The following WDPCP variants were observed in gnomAD, a reference collection of about 807,000 sequenced individuals.
WDPCP encodes the protein WD repeat containing planar cell polarity effector.
In WDPCP, 71 loss-of-function variants were observed where a neutral mutation model predicts 93.1. The observed-to-expected ratio is 0.76, with a 90% CI of 0.63 to 0.93. The LOEUF is 0.93. WDPCP is among the 40% of genes least tolerant of loss of function. The probability of loss-of-function intolerance (pLI) is 0.00; values close to 1 mark genes in which losing one functional copy is unlikely to be tolerated. For synonymous variants in WDPCP, 315 were observed against 315.0 expected, an observed-to-expected ratio of 1.00 and a Z score of 0.00; for missense variants, 844 against 887.4, an observed-to-expected ratio of 0.95 and a Z score of 0.62.
At chr2:63,386,396 C>T (rs1228670848) in intron 10 of WDPCP, among the ~76,000 whole-genome samples, 1 of 151,880 alleles carries the variant, frequency 6.6e-6, no homozygotes, top group African/African-American at 2.4e-5. Context: ...TAAATTTGGG[C>T]AAAAGATTTG....
At chr2:63,500,161 G>A (rs1270394553) in intron 1 of WDPCP, among the ~76,000 whole-genome samples, 1 of 152,198 alleles carries the variant, frequency 6.6e-6, no homozygotes, top group East Asian at 1.9e-4. Context: ...TCTAGAAGAA[G>A]AGCAAGTTTT....
At chr2:63,392,400 G>T (rs1282115611) in intron 10 of WDPCP, among the ~76,000 whole-genome samples, 1 of 152,220 alleles carries the variant, frequency 6.6e-6, no homozygotes, top group East Asian at 1.9e-4. Context: ...ATGGATCAAA[G>T]ATTTAAATGT....
At chr2:63,456,601 G>T (rs1179140300) in intron 6 of WDPCP, among the ~76,000 whole-genome samples, 2 of 151,848 alleles carry the variant, frequency 1.3e-5, no homozygotes, top group African/African-American at 4.8e-5. Context: ...TAGACCTCAA[G>T]GAACAAGAAA....
intron 10 of WDPCP, among the ~76,000 whole-genome samples, chr2:63,387,095 C>G (rs1192603581): frequency 6.6e-6 from 1 of 151,954 alleles, no homozygotes; most frequent in Non-Finnish European, 1.5e-5. Flanking sequence ...TGAAACTATT[C>G]CAAAAAAATG....
At chr2:63,168,436 G>A (rs565157482) in intron 15 of WDPCP, among the ~76,000 whole-genome samples, 1 of 152,150 alleles carries the variant, frequency 6.6e-6, no homozygotes, top group African/African-American at 2.4e-5. Flanking sequence ...CTTTCTTACA[G>A]TACATAGCTG....
At chr2:63,368,394 C>T (rs1039912407) in intron 12 of WDPCP, among the ~76,000 whole-genome samples, 4 of 151,654 alleles carry the variant, frequency 2.6e-5, no homozygotes, top group African/African-American at 4.8e-5. Context: ...GGCACAATAT[C>T]GGCTCACTGC....
At chr2:63,608,945 T>A (rs1575728912) in intron 3 of WDPCP, among the ~76,000 whole-genome samples, 1 of 152,234 alleles carries the variant, frequency 6.6e-6, no homozygotes, top group Admixed American at 6.5e-5. Context: ...CAAAATTTTG[T>A]ATAAAGTAAG....
In WDPCP at chr2:63,716,665, C is replaced by T. The variant is rs1332874829; in HGVS notation, n.309-65827G>A. Among the ~76,000 whole-genome samples the T allele has an allele frequency of 2.0e-5, 3 of 152,062 alleles. No individual in the cohort carries two copies. In the East Asian group the frequency reaches 5.8e-4, roughly 29 times the overall value. ...GTTGGGGTGTGCAGTGTGGGGCCGA[C>T]GGGAGGACAGGGAGCAAGAAGGAGA... On this transcript the variant is annotated intron_variant and non_coding_transcript_variant, in intron 2 of 4. Coordinates refer to the WDPCP transcript ENST00000467687.
At chr2:63,704,378 A>G (rs1336682494) in intron 2 of WDPCP, among the ~76,000 whole-genome samples, 2 of 152,160 alleles carry the variant, frequency 1.3e-5, no homozygotes, top group African/African-American at 4.8e-5. Flanking sequence ...GTCTTGTGCC[A>G]GTTTTCAAAG....
At chr2:63,766,921 T>A (rs766184678) in intron 2 of WDPCP, among the ~76,000 whole-genome samples, 1 of 152,162 alleles carries the variant, frequency 6.6e-6, no homozygotes. Flanking sequence ...CCCGAGCCCA[T>A]GGAAACCACT....
intron 14 of WDPCP, among the ~76,000 whole-genome samples, chr2:63,202,763 G>A (rs1020239481): frequency 5.9e-5 from 9 of 152,026 alleles, no homozygotes; most frequent in African/African-American, 2.2e-4. Flanking sequence ...CCAAGACTGC[G>A]CATCACATTA....
intron 17 of WDPCP, among the ~76,000 whole-genome samples, chr2:63,149,302 A>C (rs1671739872): frequency 6.6e-6 from 1 of 152,210 alleles, no homozygotes; most frequent in African/African-American, 2.4e-5. Flanking sequence ...ATACAAATTA[A>C]AACCTCAATG....
intron 3 of WDPCP, among the ~76,000 whole-genome samples, chr2:63,636,892 C>T (rs1287778700): frequency 6.6e-6 from 1 of 152,088 alleles, no homozygotes; most frequent in African/African-American, 2.4e-5. Context: ...AACTGTATCC[C>T]CACTTTACAT....
At chr2:63,256,374 T>C (rs1481467455) in intron 14 of WDPCP, among the ~76,000 whole-genome samples, 2 of 152,176 alleles carry the variant, frequency 1.3e-5, no homozygotes, top group East Asian at 3.8e-4. Flanking sequence ...ACAGCCTATA[T>C]ATTATACTGT....
chr2:63,818,754 CTA>C (rs747676305), intron 1 of WDPCP, among the ~76,000 whole-genome samples: 2 of 152,110 alleles, frequency 1.3e-5, no homozygotes, highest in Admixed American at 1.3e-4. Flanking sequence ...ACCCACCAAA[CTA>C]TGTTGCTTGA....
intron 15 of WDPCP, among the ~76,000 whole-genome samples, chr2:63,172,747 C>G (rs892676262): frequency 4.6e-5 from 7 of 152,164 alleles, no homozygotes; most frequent in African/African-American, 2.4e-5. Context: ...CATGATCTCT[C>G]TAGCTCCTGA....
chr2:63,380,860 G>T (rs527595885), intron 11 of WDPCP, among the ~76,000 whole-genome samples: 1 of 152,106 alleles, frequency 6.6e-6, no homozygotes, highest in Admixed American at 6.6e-5. Context: ...AGACTTCCTG[G>T]AAAAGCATGT....
chr2:63,468,415 A>G (rs1368740687), intron 6 of WDPCP, among the ~76,000 whole-genome samples: 1 of 152,178 alleles, frequency 6.6e-6, no homozygotes, highest in East Asian at 1.9e-4. Flanking sequence ...TGGAATTAAA[A>G]CAGCTGTTTA....
At chr2:63,137,536 C>T (rs1670714800) in intron 17 of WDPCP, among the ~76,000 whole-genome samples, 1 of 152,100 alleles carries the variant, frequency 6.6e-6, no homozygotes, top group Non-Finnish European at 1.5e-5. Flanking sequence ...TTTTGCTGTG[C>T]AGAAGCTCTT....
Sources: gnomAD v4.1 joint callset for allele counts (sites outside exome capture counted in the v4.1 genomes callset) on GRCh38, gnomAD v4.1.1 for gene constraint, MANE v1.5 for transcripts, NCBI Gene and HGNC (gene_info 2026-07-23, HGNC 2026-07-21) for gene names.